PTK2: variants seen among roughly 807,000 people sequenced by gnomAD.
The protein encoded by PTK2 is protein tyrosine kinase 2, also known as focal adhesion kinase 1.
Under a neutral mutation model 150.1 loss-of-function variants are expected in PTK2, and 45 were observed. The observed-to-expected ratio is 0.30, with a 90% CI of 0.24 to 0.38. The LOEUF is 0.38. PTK2 is among the 10% of genes least tolerant of loss of function. PTK2 has a pLI of 1.00. For synonymous variants in PTK2, 432 were observed against 449.2 expected, an observed-to-expected ratio of 0.96 and a Z score of 0.48; for missense variants, 919 against 1,307.3, an observed-to-expected ratio of 0.70 and a Z score of 4.58.
At chr8:140,748,707 T>A (rs2100061037) in intron 17 of PTK2, among the ~76,000 whole-genome samples, 1 of 152,156 alleles carries the variant, frequency 6.6e-6, no homozygotes. Flanking sequence ...CATATAGACA[T>A]ACATATCTGT....
intron 2 of PTK2, among the ~76,000 whole-genome samples, chr8:140,911,270 T>C (rs897973284): frequency 5.3e-5 from 8 of 152,120 alleles, no homozygotes; most frequent in South Asian, 2.1e-4. Context: ...TATCATACAT[T>C]GTAATATTTA....
intron 1 of PTK2, among the ~76,000 whole-genome samples, chr8:140,986,360 G>C (rs1450529287): frequency 6.6e-6 from 1 of 152,176 alleles, no homozygotes; most frequent in Non-Finnish European, 1.5e-5. Flanking sequence ...ATGTTATTTG[G>C]TCCAACCCTC....
chr8:140,832,095 C>A (rs1315643343), intron 7 of PTK2, among the ~76,000 whole-genome samples: 1 of 152,176 alleles, frequency 6.6e-6, no homozygotes, highest in African/African-American at 2.4e-5. Flanking sequence ...CGCTTTGTCA[C>A]CCAGGCCAGA....
intron 22 of PTK2, among the ~76,000 whole-genome samples, chr8:140,727,970 T>G (rs993154025): frequency 6.6e-6 from 1 of 151,744 alleles, no homozygotes. Context: ...CCCAGGAGGG[T>G]TGATCACTTG....
chr8:140,981,089 T>C (rs1284438452), intron 1 of PTK2, among the ~76,000 whole-genome samples: 2 of 144,974 alleles, frequency 1.4e-5, no homozygotes, highest in Non-Finnish European at 3.0e-5. Context: ...CTTCCACTCC[T>C]GCTCTGGAAA....
At chr8:140,735,153 A>G (rs1479675144) in intron 22 of PTK2, 98 bp downstream of exon 25, 5 of 1,157,800 alleles carry the variant, frequency 4.3e-6, no homozygotes, top group Non-Finnish European at 1.3e-6. Flanking sequence ...TCGGCCTTAG[A>G]CATACTGATA....
chr8:140,832,607 G>C (rs1379880029), intron 7 of PTK2, among the ~76,000 whole-genome samples: 2 of 152,198 alleles, frequency 1.3e-5, no homozygotes, highest in Non-Finnish European at 2.9e-5. Context: ...TTACTGCAGA[G>C]GGAGGCATGG....
chr8:140,950,577 T>C (rs1586892460), intron 1 of PTK2, among the ~76,000 whole-genome samples: 1 of 152,150 alleles, frequency 6.6e-6, no homozygotes, highest in Admixed American at 6.5e-5. Context: ...TCCAGGCTTG[T>C]AGTGTGAGCC....
intron 29 of PTK2, among the ~76,000 whole-genome samples, chr8:140,670,487 CAACA>C (rs1563984746): frequency 1.6e-4 from 2 of 12,712 alleles, no homozygotes; most frequent in Non-Finnish European, 3.6e-4. Context: ...AAAAAAACAA[CAACA>C]CACACACACA....
intron 26 of PTK2, among the ~76,000 whole-genome samples, chr8:140,697,456 T>G (rs554400605): frequency 2.3e-4 from 33 of 141,610 alleles, no homozygotes; most frequent in Middle Eastern, 3.6e-3. Context: ...GTGTGTGTGT[T>G]TTTAAACGGA....
intron 22 of PTK2, chr8:140,732,742 G>A (rs1013679852): frequency 2.2e-5 from 7 of 322,662 alleles, no homozygotes; most frequent in African/African-American, 4.6e-5. Context: ...AATTGAACAC[G>A]GGTTGCAGCC....
At chr8:140,802,781 T>C (rs987348622) in intron 11 of PTK2, among the ~76,000 whole-genome samples, 1 of 152,176 alleles carries the variant, frequency 6.6e-6, no homozygotes, top group Non-Finnish European at 1.5e-5. Flanking sequence ...TTCAGTATAG[T>C]AGCATGCTAC....
chr8:140,809,592 C>A (rs1008713459), intron 10 of PTK2, among the ~76,000 whole-genome samples: 2 of 152,100 alleles, frequency 1.3e-5, no homozygotes, highest in Non-Finnish European at 2.9e-5. Flanking sequence ...ATTACTTGAA[C>A]CCAGGAGTTT....
chr8:140,682,459 T>G (rs2100017608), intron 27 of PTK2, among the ~76,000 whole-genome samples: 1 of 152,180 alleles, frequency 6.6e-6, no homozygotes, highest in Admixed American at 6.5e-5. Context: ...TTTCTTCACT[T>G]GATCTTAGCC....
At chr8:140,949,717 G>A (rs936292022) in intron 1 of PTK2, among the ~76,000 whole-genome samples, 15 of 152,332 alleles carry the variant, frequency 9.8e-5, no homozygotes, top group South Asian at 2.1e-4. Context: ...GGCACACCTC[G>A]TCATGAACAG....
chr8:140,793,422 T>G, intron 12 of PTK2, 38 bp from the exon 13 acceptor site: 1 of 1,600,146 alleles, frequency 6.2e-7, no homozygotes, highest in Non-Finnish European at 8.5e-7. Context: ...AAGGCTCTTT[T>G]CACTCCTTTT....
At chr8:140,975,358 T>C (rs1344119794) in intron 1 of PTK2, among the ~76,000 whole-genome samples, 2 of 152,212 alleles carry the variant, frequency 1.3e-5, no homozygotes, top group Non-Finnish European at 2.9e-5. Context: ...GCTTTGATCC[T>C]GCCCAGTATC....
chr8:140,960,859 A>G (rs905144643), intron 1 of PTK2, among the ~76,000 whole-genome samples: 2 of 152,174 alleles, frequency 1.3e-5, no homozygotes, highest in African/African-American at 4.8e-5. Context: ...GCATGCCTGT[A>G]ATCCCAGCCA....
At chr8:140,716,045 T>C (rs1169196385) in intron 23 of PTK2, among the ~76,000 whole-genome samples, 1 of 152,218 alleles carries the variant, frequency 6.6e-6, no homozygotes, top group African/African-American at 2.4e-5. Flanking sequence ...TTTGCACTTC[T>C]GTGTACTAAA....
Sources: gnomAD v4.1 joint callset for allele counts (sites outside exome capture counted in the v4.1 genomes callset) on GRCh38, gnomAD v4.1.1 for gene constraint, MANE v1.5 for transcripts, NCBI Gene and HGNC (gene_info 2026-07-23, HGNC 2026-07-21) for gene names.